PVALB: variants seen among roughly 807,000 people sequenced by gnomAD.
PVALB encodes the protein parvalbumin, also known as parvalbumin alpha.
Under a neutral mutation model 10.9 loss-of-function variants are expected in PVALB, and 11 were observed. That is an observed-to-expected ratio of 1.01 (90% CI 0.63 to 1.67). The LOEUF (loss-of-function observed/expected upper bound fraction) is 1.67. Ranked by LOEUF, PVALB falls within the 40% of genes most tolerant of loss-of-function variation. The pLI is 0.00. For missense variants in PVALB, 131 were observed against 136.2 expected (o/e 0.96, Z 0.19); for synonymous variants, 57 against 50.7 (o/e 1.12, Z -0.53).
rs1157068316 is a variant in PVALB, at chr22:36,817,001, G to C, written c.5C>G (p.Ser2Trp). M[S>W]MTDLLNAEDI... ...CTCAGCGTTCAGCAAGTCTGTCATC[G>C]ACATCCTGCAACTGTTTGAGCGGGC... Residue 2 changes from serine (S) to tryptophan (W), a missense_variant, in exon 1 of 4, where the codon TCG becomes TGG. Transcript: ENST00000417718. 1 of 1,609,306 alleles carries C rather than the reference G, an allele frequency of 6.2e-7. No homozygotes were observed. The highest frequency in any genetic ancestry group is 8.5e-7 in the Non-Finnish European group (1 of 1,178,500).
intron 3 of PVALB, among the ~76,000 whole-genome samples, chr22:36,804,599 G>C (rs944284482): frequency 7.9e-5 from 12 of 152,192 alleles, no homozygotes; most frequent in Non-Finnish European, 1.5e-5. Context: ...AGGTCTCCTA[G>C]CCAAACCCTT....
At chr22:36,806,033 T>C (rs1938943671) in intron 3 of PVALB, among the ~76,000 whole-genome samples, 1 of 152,018 alleles carries the variant, frequency 6.6e-6, no homozygotes, top group Non-Finnish European at 1.5e-5. Flanking sequence ...ACTGGGACTA[T>C]CTCCTTATAG....
In PVALB at chr22:36,800,851, A is replaced by T; in HGVS notation, c.*39T>A. The T allele has an allele frequency of 6.3e-7, 1 of 1,580,840 alleles. No homozygotes were observed. Among genetic ancestry groups the T allele is most frequent in the Non-Finnish European group, 8.7e-7 (1 of 1,149,678 alleles). On this transcript the variant is annotated 3_prime_UTR_variant, in exon 4 of 4. Coordinates refer to ENST00000417718, the MANE Select transcript of PVALB (RefSeq NM_001315532.2). Reference sequence around the variant, plus strand: ...CGAGAGGGGCCGAGATTGGGTGTTCAGGGCAGAGAGGTGGAAGACCAGGGG... The same window carrying T: ...CGAGAGGGGCCGAGATTGGGTGTTCTGGGCAGAGAGGTGGAAGACCAGGGG...
chr22:36,816,915 A>AGGGATGGGGAGGGGAGC (rs1273697249), intron 1 of PVALB, 30 bp downstream of exon 1: 1 of 1,574,734 alleles, frequency 6.4e-7, no homozygotes, highest in Non-Finnish European at 8.6e-7. Flanking sequence ...ACGAGGGGAG[A>AGGGATGGGGAGGGGAGC]GGGATGGGGA....
chr22:36,810,175 G>A (rs540660130), intron 3 of PVALB, among the ~76,000 whole-genome samples: 15 of 152,168 alleles, frequency 9.9e-5, no homozygotes, highest in Non-Finnish European at 1.5e-4. Context: ...GAGCCACTGC[G>A]CCCGGCATGC....
upstream of PVALB, chr22:36,817,287 C>T: frequency 3.4e-6 from 1 of 292,854 alleles, no homozygotes; most frequent in Non-Finnish European, 6.3e-6. Context: ...GCGGCCAGGG[C>T]ACGAGGGAAG....
chr22:36,815,298 T>TG, intron 1 of PVALB, 63 bp from the exon 2 acceptor site: 5 of 1,594,856 alleles, frequency 3.1e-6, no homozygotes, highest in South Asian at 1.1e-5. Context: ...CCTGGGAGAA[T>TG]GGGGGGCATC....
intron 3 of PVALB, among the ~76,000 whole-genome samples, chr22:36,810,118 T>G (rs4821532): frequency 6.6e-6 from 1 of 151,978 alleles, no homozygotes; most frequent in Non-Finnish European, 1.5e-5. Flanking sequence ...CTCCTGACCT[T>G]GTGATCTGCC....
intron 3 of PVALB, among the ~76,000 whole-genome samples, chr22:36,802,610 A>C (rs1186121086): frequency 1.3e-5 from 2 of 149,878 alleles, no homozygotes; most frequent in East Asian, 1.9e-4. Context: ...ACACAAAAAA[A>C]AAAAAAAAAA....
intron 3 of PVALB, among the ~76,000 whole-genome samples, chr22:36,802,339 G>A (rs13056258): frequency 0.21 from 31,398 of 151,792 alleles, 3,861 homozygotes; most frequent in African/African-American, 0.34. Flanking sequence ...ACGGTGGCTC[G>A]CTCCTGTAAT....
intron 1 of PVALB, among the ~76,000 whole-genome samples, chr22:36,815,550 CT>C (rs1939125591): frequency 6.6e-6 from 1 of 152,192 alleles, no homozygotes; most frequent in South Asian, 2.1e-4. Context: ...GGCTTTTGTT[CT>C]TCTGAGAACC....
intron 2 of PVALB, 122 bp downstream of exon 2, chr22:36,814,981 T>C (rs1271139874): frequency 7.5e-7 from 1 of 1,325,602 alleles, no homozygotes; most frequent in Admixed American, 2.2e-5. Context: ...CACGCACGGT[T>C]ACTTTCTGTG....
At chr22:36,817,109 G>T, upstream of PVALB, 3 of 1,124,496 alleles carry the variant, frequency 2.7e-6, no homozygotes, top group East Asian at 3.2e-5. Flanking sequence ...CGCGCCGGGC[G>T]CACGCCCGCC....
At chr22:36,810,247 C>A (rs1484691312) in intron 3 of PVALB, among the ~76,000 whole-genome samples, 1 of 152,334 alleles carries the variant, frequency 6.6e-6, no homozygotes, top group African/African-American at 2.4e-5. Flanking sequence ...GCCCCAGATC[C>A]CGCCAGGAGT....
rs367883748 is a variant in PVALB at position 36,815,087 on chromosome 22, G to A, written c.194+16C>T. ...TGCAGCCGTGGGCTGGGCAGCCCCTGCAGGCCTCCGCTTACCCCAGCTCAT... is the reference window on the plus strand; with the variant it reads ...TGCAGCCGTGGGCTGGGCAGCCCCTACAGGCCTCCGCTTACCCCAGCTCAT... On this transcript the variant is annotated intron_variant, in intron 2 of 3. Coordinates refer to ENST00000417718, the MANE Select transcript of PVALB (RefSeq NM_001315532.2). 4.0e-5 allele frequency: 64 copies of A among 1,613,784 alleles called. No homozygotes were observed. The highest frequency in any genetic ancestry group is 1.6e-4 in the Middle Eastern group (1 of 6,082).
chr22:36,807,156 C>A (rs967100146), intron 3 of PVALB, among the ~76,000 whole-genome samples: 1 of 152,188 alleles, frequency 6.6e-6, no homozygotes, highest in Non-Finnish European at 1.5e-5. Context: ...ATAACTAAAA[C>A]GTCTCAGCTC....
chr22:36,807,343 G>T (rs1229934368), intron 3 of PVALB, among the ~76,000 whole-genome samples: 10 of 152,216 alleles, frequency 6.6e-5, no homozygotes, highest in Admixed American at 6.5e-4. Flanking sequence ...ATGGGACAAA[G>T]CATCGTGCAC....
intron 3 of PVALB, among the ~76,000 whole-genome samples, chr22:36,809,334 G>C (rs1939010983): frequency 6.6e-6 from 1 of 152,126 alleles, no homozygotes; most frequent in Non-Finnish European, 1.5e-5. Flanking sequence ...TAGGTGCTGG[G>C]ATTAGAACTG....
At chr22:36,812,213 A>G (rs1226710877) in intron 3 of PVALB, among the ~76,000 whole-genome samples, 1 of 152,170 alleles carries the variant, frequency 6.6e-6, no homozygotes, top group African/African-American at 2.4e-5. Context: ...TGACGTGTTC[A>G]AGGTCACAGC....
Sources: gnomAD v4.1 joint callset for allele counts (sites outside exome capture counted in the v4.1 genomes callset) on GRCh38, gnomAD v4.1.1 for gene constraint, MANE v1.5 for transcripts, NCBI Gene and HGNC (gene_info 2026-07-23, HGNC 2026-07-21) for gene names.